The following POLR3GL variants were observed in gnomAD, a reference collection of about 807,000 sequenced individuals.
The protein encoded by POLR3GL is DNA-directed RNA polymerase III subunit RPC7-like.
In POLR3GL, 26 loss-of-function variants were observed where a neutral mutation model predicts 32.4. The ratio of observed to expected loss-of-function variants is 0.80; its 90% CI spans 0.59 to 1.11. POLR3GL has a LOEUF of 1.11. POLR3GL is among the 50% of genes most tolerant of loss of function. The pLI is 0.00. For synonymous variants in POLR3GL, 95 were observed against 98.7 expected, an observed-to-expected ratio of 0.96 and a Z score of 0.22; for missense variants, 229 against 280.1, an observed-to-expected ratio of 0.82 and a Z score of 1.30.
chr1:145,972,792 C>T (rs1305371512), intron 1 of POLR3GL, among the ~76,000 whole-genome samples: 1 of 152,036 alleles, frequency 6.6e-6, no homozygotes, highest in Non-Finnish European at 1.5e-5. Context: ...TCAACCTCCC[C>T]GGCTCAAGCA....
In POLR3GL at chr1:145,974,883, G is replaced by A. The variant is rs1465259899; in HGVS notation, c.18G>A (p.Gly6=). 6.6e-7 allele frequency: 1 copy of A among 1,517,418 alleles called. No individual in the cohort carries two copies. The highest frequency in any genetic ancestry group is 1.4e-5 in the African/African-American group (1 of 69,184). 94.0% of individuals were successfully genotyped at this position (1,517,418 alleles called of 1,614,324 possible). A position where few individuals can be genotyped will look rare whatever the true frequency, so the allele number is the denominator to read the frequency against. Residue 6 remains glycine, a synonymous_variant, in exon 2 of 8, where the codon GGG becomes GGA. Transcript: ENST00000369314. MASRG[G]GRGRGRGQLT... ...CCTCCACCATGGCCAGCCGGGGTGG[G>A]GGCCGGGGTCGTGGCCGGGGCCAGT...
At chr1:145,970,859 G>A (rs1361275554) in intron 1 of POLR3GL, among the ~76,000 whole-genome samples, 1 of 102,846 alleles carries the variant, frequency 9.7e-6, no homozygotes, top group Non-Finnish European at 1.8e-5. Flanking sequence ...CGGGCAACAA[G>A]AGCGAAACTC....
intron 1 of POLR3GL, among the ~76,000 whole-genome samples, chr1:145,974,547 A>G (rs1246693975): frequency 6.6e-6 from 1 of 152,172 alleles, no homozygotes; most frequent in East Asian, 1.9e-4. Context: ...ATAAACATCA[A>G]ATTGTCTTAG....
intron 1 of POLR3GL, among the ~76,000 whole-genome samples, chr1:145,972,818 G>A (rs1650381033): frequency 2.0e-5 from 3 of 151,992 alleles, no homozygotes; most frequent in Non-Finnish European, 2.9e-5. Flanking sequence ...TCCCAGTAGG[G>A]AAGGATCACC....
chr1:145,973,062 A>G (rs782513281), intron 1 of POLR3GL, among the ~76,000 whole-genome samples: 2 of 152,088 alleles, frequency 1.3e-5, no homozygotes, highest in Admixed American at 6.6e-5. Context: ...GCACCTCAAG[A>G]TGCTCTAGAC....
At chr1:145,967,658 C>T (rs188411578) in intron 1 of POLR3GL, among the ~76,000 whole-genome samples, 393 of 152,318 alleles carry the variant, frequency 2.6e-3, no homozygotes, top group Non-Finnish European at 4.3e-3. Context: ...TTCTTATTTT[C>T]TCTGTCCACA....
chr1:145,977,455 T>C (rs781798053), intron 4 of POLR3GL, 28 bp from the exon 5 acceptor site: 3 of 1,609,964 alleles, frequency 1.9e-6, no homozygotes, highest in South Asian at 2.2e-5. Flanking sequence ...CAGGGTCCTA[T>C]TGACATTTAC....
intron 1 of POLR3GL, among the ~76,000 whole-genome samples, chr1:145,967,944 G>A: frequency 6.6e-6 from 1 of 152,306 alleles, no homozygotes. Context: ...TAAATTACCA[G>A]AGTTTTGTAG....
Position 145,969,384 on chromosome 1 carries a change from C to A in POLR3GL, c.-42+4616C>A, listed in dbSNP as rs1650179765. ...GGTTCAAGCGATTCTCCTGCCTCAG[C>A]TTCCTGAGTAGCTGGGACTACAGGC... On this transcript the variant is annotated intron_variant, in intron 1 of 7. Transcript: ENST00000369314. Among the ~76,000 whole-genome samples the A allele has an allele frequency of 2.0e-5, 3 of 151,960 alleles. No individual in the cohort carries two copies. In the South Asian group the frequency reaches 6.2e-4, roughly 31 times the overall value.
intron 1 of POLR3GL, among the ~76,000 whole-genome samples, chr1:145,966,067 G>C (rs1553761998): frequency 1.6e-5 from 2 of 126,756 alleles, no homozygotes; most frequent in Non-Finnish European, 3.1e-5. Context: ...AGTGAGCTCA[G>C]ATCGCACCAT....
Position 145,978,041 on chromosome 1 carries a change from A to G in POLR3GL, c.515A>G (p.Glu172Gly), listed in dbSNP as rs781810956. Residue 172 changes from glutamate to glycine, a missense_variant, in exon 7 of 8, where the codon GAA becomes GGA. Coordinates refer to ENST00000369314, the MANE Select transcript of POLR3GL (RefSeq NM_032305.3). ...TSEEDEEKEE[E>G]EEKEEEEEEE... Reference sequence around the variant, plus strand: ...GAGGAGGATGAGGAGAAAGAAGAAGAAGAAGAGAAGGAAGAGGAGGAAGAA... The same window carrying G: ...GAGGAGGATGAGGAGAAAGAAGAAGGAGAAGAGAAGGAAGAGGAGGAAGAA... 6.2e-7 allele frequency: 1 copy of G among 1,608,110 alleles called. No homozygotes were observed. The highest frequency in any genetic ancestry group is 1.7e-5 in the Admixed American group (1 of 59,880).
chr1:145,977,422 C>T (rs1028197298), intron 4 of POLR3GL, 61 bp from the exon 5 acceptor site: 10 of 1,499,928 alleles, frequency 6.7e-6, no homozygotes, highest in Non-Finnish European at 9.3e-6. Flanking sequence ...TAAAACCAGT[C>T]AGTATTCACT....
At chr1:145,967,638 G>T (rs1650099149) in intron 1 of POLR3GL, among the ~76,000 whole-genome samples, 1 of 152,182 alleles carries the variant, frequency 6.6e-6, no homozygotes, top group Non-Finnish European at 1.5e-5. Context: ...CCAGGCCTCA[G>T]TGCCTGGATT....
intron 3 of POLR3GL, 60 bp downstream of exon 3, chr1:145,975,496 A>T: frequency 6.3e-7 from 1 of 1,584,420 alleles, no homozygotes; most frequent in Non-Finnish European, 8.6e-7. Context: ...CCCTGTGCTC[A>T]GCACCACTGG....
At position 145,977,520 on chromosome 1, in the gene POLR3GL, G is replaced by A. The variant is rs1650615324; in HGVS notation, c.363G>A (p.Val121=). The change falls in exon 5 of 8, where the codon GTG becomes GTA. Residue 121 remains valine (V), a synonymous_variant. Transcript: ENST00000369314. ...TACCCCGGGAGCTAAAGATCCGAGT[G>A]CGGAAGCTACAGAAGGAACGTGAGT... ...RRLPRELKIR[V]RKLQKERITI... The A allele has an allele frequency of 1.9e-6, 3 of 1,614,012 alleles. No homozygotes were observed. Among genetic ancestry groups the A allele is most frequent in the African/African-American group, 2.7e-5 (2 of 74,916 alleles).
intron 1 of POLR3GL, among the ~76,000 whole-genome samples, chr1:145,971,327 C>A (rs1274184070): frequency 6.6e-6 from 1 of 151,948 alleles, no homozygotes; most frequent in Non-Finnish European, 1.5e-5. Flanking sequence ...GTACATGAAT[C>A]CCATTTAGGA....
chr1:145,976,464 A>G (rs995754135), intron 3 of POLR3GL, among the ~76,000 whole-genome samples: 7 of 150,132 alleles, frequency 4.7e-5, no homozygotes, highest in African/African-American at 9.9e-5. Context: ...CTCTAATCCC[A>G]GCTGCTTGGG....
intron 1 of POLR3GL, among the ~76,000 whole-genome samples, chr1:145,965,221 A>G (rs1649964658): frequency 6.6e-6 from 1 of 152,214 alleles, no homozygotes; most frequent in Non-Finnish European, 1.5e-5. Context: ...GCCTTTTAGA[A>G]TAGAAGGTTT....
chr1:145,977,046 C>T (rs1650587680), intron 3 of POLR3GL, 38 bp from the exon 4 acceptor site: 4 of 1,540,900 alleles, frequency 2.6e-6, no homozygotes, highest in Non-Finnish European at 3.6e-6. Context: ...TGTTCTGGGT[C>T]TCTGAAGGGA....
Sources: gnomAD v4.1 joint callset for allele counts (sites outside exome capture counted in the v4.1 genomes callset) on GRCh38, gnomAD v4.1.1 for gene constraint, MANE v1.5 for transcripts, NCBI Gene and HGNC (gene_info 2026-07-23, HGNC 2026-07-21) for gene names.